Variants in ZNF155 observed in about 807,000 individuals in gnomAD.
ZNF155 encodes the protein KRAB A domain.
A neutral mutation model predicts 11.9 loss-of-function variants in ZNF155; 15 were observed. The observed-to-expected ratio is 1.26, with a 90% CI of 0.84 to 1.94. ZNF155 has a LOEUF of 1.94. ZNF155 is among the 30% of genes most tolerant of loss of function. ZNF155 has a pLI of 0.00. For synonymous variants in ZNF155, 212 were observed against 219.9 expected, an observed-to-expected ratio of 0.96 and a Z score of 0.32; for missense variants, 602 against 639.1, an observed-to-expected ratio of 0.94 and a Z score of 0.63.
intron 1 of ZNF155, among the ~76,000 whole-genome samples, chr19:43,985,878 T>G (rs1055173721): frequency 2.6e-5 from 4 of 152,194 alleles, no homozygotes; most frequent in African/African-American, 9.7e-5. Flanking sequence ...AGACACCTGG[T>G]GCTTAGTTCC....
At chr19:43,986,405 AC>A (rs1975443610) in intron 1 of ZNF155, among the ~76,000 whole-genome samples, 1 of 151,484 alleles carries the variant, frequency 6.6e-6, no homozygotes, top group South Asian at 2.1e-4. Flanking sequence ...AAACTAGTAA[AC>A]TGCCATATTA....
At chr19:43,988,357 G>A (rs552154726) in intron 1 of ZNF155, 102 bp from the exon 2 acceptor site, 1 of 442,528 alleles carries the variant, frequency 2.3e-6, no homozygotes, top group Non-Finnish European at 4.0e-6. Context: ...CATTTACCCA[G>A]AGGAAGGCAT....
At chr19:43,995,606 A>T (rs2147399055) in intron 4 of ZNF155, among the ~76,000 whole-genome samples, 1 of 152,124 alleles carries the variant, frequency 6.6e-6, no homozygotes, top group African/African-American at 2.4e-5. Context: ...CTGGTCTCGA[A>T]CTGCTGGACT....
chr19:43,985,299 G>A (rs192980977), intron 1 of ZNF155, among the ~76,000 whole-genome samples: 402 of 152,042 alleles, frequency 2.6e-3, no homozygotes, highest in Non-Finnish European at 4.5e-3. Context: ...GGTCCTAAGT[G>A]ATCCGCCTGC....
chr19:43,989,967 G>C (rs754664543), intron 2 of ZNF155: 47 of 1,201,068 alleles, frequency 3.9e-5, no homozygotes, highest in Non-Finnish European at 4.7e-5. Flanking sequence ...AAAAGTGATG[G>C]TTTTCATTTG....
At position 43,995,596 on chromosome 19, in the gene ZNF155, C is replaced by T. The variant is rs1418670027; in HGVS notation, c.236-497C>T. Among the ~76,000 whole-genome samples, 5 of 151,996 alleles carry T rather than the reference C, an allele frequency of 3.3e-5. No individual in the cohort carries two copies. In the South Asian group the frequency reaches 1.0e-3, roughly 31 times the overall value. Reference sequence around the variant, plus strand: ...ACAGGGTTTTGCTATATTGCCCAGGCTGGTCTCGAACTGCTGGACTCCAGT... The same window carrying T: ...ACAGGGTTTTGCTATATTGCCCAGGTTGGTCTCGAACTGCTGGACTCCAGT... On this transcript the variant is annotated intron_variant, in intron 4 of 4. Transcript: ENST00000270014.
At chr19:43,988,670 T>C (rs1489418819) in intron 2 of ZNF155, 112 bp downstream of exon 2, 2 of 1,205,836 alleles carry the variant, frequency 1.7e-6, no homozygotes, top group South Asian at 2.3e-5. Context: ...TTTGGGGACC[T>C]GTTTGTGCCA....
In ZNF155 at chr19:43,991,660, AC is replaced by A. The variant is rs1568488904; in HGVS notation, c.130del (p.Leu44CysfsTer17). On this transcript the variant is annotated frameshift_variant, in exon 3 of 5. Coordinates refer to ENST00000270014, the MANE Select transcript of ZNF155 (RefSeq NM_198089.3). LOFTEE classifies it high-confidence loss of function. ...YRDVMLENFR[N>X]LLSVGHQPFH... ...GATGTGATGCTGGAGAACTTCAGGA[AC>A]CTGCTCTCAGTGGGTGAGCACGGGC... 9 of 1,613,776 alleles carry A rather than the reference AC, an allele frequency of 5.6e-6. No homozygotes were observed. The highest frequency in any genetic ancestry group is 7.6e-6 in the Non-Finnish European group (9 of 1,179,932).
intron 1 of ZNF155, among the ~76,000 whole-genome samples, chr19:43,985,001 G>C (rs530280127): frequency 1.3e-5 from 2 of 152,262 alleles, no homozygotes; most frequent in East Asian, 3.9e-4. Context: ...CTGTCTACAC[G>C]AGTGGTCTTT....
Position 43,996,955 on chromosome 19 carries a change from C to A in ZNF155, c.1098C>A (p.His366Gln). Reference protein sequence around the residue: ...RLDFYKHQVVHTGEKPYNCKE... With the variant: ...RLDFYKHQVVQTGEKPYNCKE... ...ATTTTTATAAGCATCAGGTGGTCCA[C>A]ACAGGAGAAAAACCATATAATTGTA... Residue 366 changes from histidine to glutamine, a missense_variant, in exon 5 of 5, where the codon CAC becomes CAA. By Grantham distance (24) the His-to-Gln change is conservative. Transcript: ENST00000270014. 6.2e-7 allele frequency: 1 copy of A among 1,610,112 alleles called. No individual in the cohort carries two copies. Among genetic ancestry groups the A allele is most frequent in the South Asian group, 1.1e-5 (1 of 90,572 alleles).
chr19:43,990,933 A>C (rs967423527), intron 2 of ZNF155, among the ~76,000 whole-genome samples: 2 of 152,082 alleles, frequency 1.3e-5, no homozygotes, highest in Non-Finnish European at 2.9e-5. Flanking sequence ...AAGGCAGCCC[A>C]CCCGAGGTTA....
intron 1 of ZNF155, among the ~76,000 whole-genome samples, chr19:43,985,461 A>C (rs965351864): frequency 4.6e-5 from 7 of 151,794 alleles, no homozygotes; most frequent in African/African-American, 1.7e-4. Context: ...TGGTAACTTA[A>C]TTCTAAGGGC....
intron 1 of ZNF155, among the ~76,000 whole-genome samples, chr19:43,986,810 T>C (rs1975475448): frequency 6.6e-6 from 1 of 152,188 alleles, no homozygotes. Flanking sequence ...TTTTATATCA[T>C]TTCAAAGCTG....
intron 4 of ZNF155, among the ~76,000 whole-genome samples, chr19:43,995,797 A>G (rs551718070): frequency 6.6e-6 from 1 of 152,306 alleles, no homozygotes; most frequent in South Asian, 2.1e-4. Context: ...TTTTATTTTC[A>G]TAATTTATCA....
intron 4 of ZNF155, among the ~76,000 whole-genome samples, chr19:43,994,414 ATGT>A (rs1975763562): frequency 6.6e-6 from 1 of 152,234 alleles, no homozygotes; most frequent in South Asian, 2.1e-4. Context: ...TTGATGTTTA[ATGT>A]TGTGCAGAGT....
intron 2 of ZNF155, chr19:43,989,083 C>G (rs1415905755): frequency 6.6e-6 from 1 of 152,210 alleles, no homozygotes; most frequent in South Asian, 2.1e-4. Flanking sequence ...TTTTGAAAAC[C>G]ATATGCCATT....
chr19:43,992,114 G>A (rs189828593), intron 4 of ZNF155, among the ~76,000 whole-genome samples, 180 bp downstream of exon 4: 103 of 152,246 alleles, frequency 6.8e-4, no homozygotes, highest in Non-Finnish European at 1.2e-3. Flanking sequence ...CAGCCAAAGC[G>A]ATCCTTAGGA....
intron 1 of ZNF155, among the ~76,000 whole-genome samples, chr19:43,986,280 T>C (rs1180082513): frequency 6.6e-6 from 1 of 151,796 alleles, no homozygotes; most frequent in Non-Finnish European, 1.5e-5. Context: ...TTAGTCTTTC[T>C]CTGTGTCTAT....
chr19:43,995,469 C>T (rs1975815555), intron 4 of ZNF155, among the ~76,000 whole-genome samples: 1 of 150,560 alleles, frequency 6.6e-6, no homozygotes, highest in Non-Finnish European at 1.5e-5. Context: ...ACTGCAACTT[C>T]CACCTCCCAG....
Sources: gnomAD v4.1 joint callset for allele counts (sites outside exome capture counted in the v4.1 genomes callset) on GRCh38, gnomAD v4.1.1 for gene constraint, MANE v1.5 for transcripts, NCBI Gene and HGNC (gene_info 2026-07-23, HGNC 2026-07-21) for gene names.